HTRA3: variants seen among roughly 807,000 people sequenced by gnomAD.
The protein encoded by HTRA3 is serine protease HTRA3.
In HTRA3, 41 loss-of-function variants were observed where a neutral mutation model predicts 43.2. The observed-to-expected ratio is 0.95, with a 90% confidence interval of 0.74 to 1.23. HTRA3 has a LOEUF of 1.23. Ranked by LOEUF, HTRA3 falls within the 50% of genes most tolerant of loss-of-function variation. The probability of loss-of-function intolerance (pLI) is 0.00; values close to 1 mark genes in which losing one functional copy is unlikely to be tolerated. For missense variants in HTRA3, 628 were observed against 647.1 expected (o/e 0.97, Z 0.32); for synonymous variants, 295 against 287.9 (o/e 1.02, Z -0.25).
At chr4:8,304,654 T>G (rs1049535091) in intron 8 of HTRA3, among the ~76,000 whole-genome samples, 1,400 of 127,404 alleles carry the variant, frequency 0.011, 46 homozygotes, top group Non-Finnish European at 0.016. Context: ...TTTTTTTTTT[T>G]TTTTTTTTTT....
chr4:8,275,163 G>A (rs1242441094), intron 1 of HTRA3, among the ~76,000 whole-genome samples: 4 of 152,208 alleles, frequency 2.6e-5, no homozygotes, highest in African/African-American at 9.6e-5. Flanking sequence ...GAGTCCAGCC[G>A]GACTGGAGCT....
intron 1 of HTRA3, among the ~76,000 whole-genome samples, chr4:8,277,702 A>G (rs1177269672): frequency 1.3e-5 from 2 of 152,230 alleles, no homozygotes; most frequent in Non-Finnish European, 1.5e-5. Context: ...GTGAGGCTGC[A>G]GATGTCAATG....
intron 5 of HTRA3, among the ~76,000 whole-genome samples, chr4:8,292,754 C>G (rs1183302798): frequency 7.2e-5 from 11 of 152,200 alleles, no homozygotes; most frequent in Admixed American, 7.2e-4. Context: ...CAGCCTCATC[C>G]CAGGTGAGAT....
chr4:8,302,193 G>A (rs956280135), intron 6 of HTRA3, among the ~76,000 whole-genome samples: 1 of 152,164 alleles, frequency 6.6e-6, no homozygotes, highest in Non-Finnish European at 1.5e-5. Context: ...AGCAGATGTC[G>A]GAGCTCACAT....
In HTRA3 at chr4:8,306,352, A is replaced by G. The variant is rs1713850261; in HGVS notation, c.*216A>G. On this transcript the variant is annotated 3_prime_UTR_variant, in exon 9 of 9. Coordinates refer to ENST00000307358, the MANE Select transcript of HTRA3 (RefSeq NM_053044.5). The surrounding 1 kb of genome is among the most constrained non-coding windows in gnomAD (Gnocchi z 8.9). Reference sequence around the variant, plus strand: ...TCCCGGTGCCGGGGAGGGAAGCCCAACATCCCCTTGTACAGATGATCCTGA... The same window carrying G: ...TCCCGGTGCCGGGGAGGGAAGCCCAGCATCCCCTTGTACAGATGATCCTGA... 1 of 550,850 alleles carries G rather than the reference A, an allele frequency of 1.8e-6. No homozygotes were observed. The highest frequency in any genetic ancestry group is 2.4e-5 in the South Asian group (1 of 42,312). The allele number at this position is 550,850 out of a possible 1,614,324, so 34.1% of individuals were successfully genotyped here.
chr4:8,275,299 G>A (rs1712474291), intron 1 of HTRA3, among the ~76,000 whole-genome samples: 1 of 152,190 alleles, frequency 6.6e-6, no homozygotes, highest in Non-Finnish European at 1.5e-5. Flanking sequence ...GCCCCACACA[G>A]CAGCCTGAAG....
chr4:8,303,485 G>A (rs56095553), intron 7 of HTRA3, among the ~76,000 whole-genome samples: 40,634 of 152,086 alleles, frequency 0.27, 6,620 homozygotes, highest in East Asian at 0.62. Context: ...GAGCTTCGAG[G>A]TTTGAAGAAG....
chr4:8,282,407 T>C (rs778601854), intron 1 of HTRA3, 30 bp from the exon 2 acceptor site: 8 of 1,556,932 alleles, frequency 5.1e-6, no homozygotes, highest in Admixed American at 1.7e-5. Context: ...GTGATCTCAC[T>C]GATGCACCTG....
chr4:8,278,333 C>A (rs552331488), intron 1 of HTRA3, among the ~76,000 whole-genome samples: 19 of 149,224 alleles, frequency 1.3e-4, no homozygotes, highest in African/African-American at 4.5e-4. Flanking sequence ...TTGCTTTGCT[C>A]TGTGTGAGGG....
chr4:8,279,480 C>T lies in HTRA3; in HGVS notation c.386-2957C>T, dbSNP rs1712656468. The stretch of plus-strand genomic sequence containing the variant: ...TGTGCAGATCTTCAGGCTGCCGCGT[C>T]AGAGCTCAGGGGCCCAGCAGCCCAG... On this transcript the variant is annotated intron_variant, in intron 1 of 8. Transcript: ENST00000307358. This position sits in a 1 kb window ranked among gnomAD's most constrained non-coding sequence, Gnocchi z 7.4. Among the ~76,000 whole-genome samples, 1 of 152,038 alleles carries T rather than the reference C, an allele frequency of 6.6e-6. No individual in the cohort carries two copies. Among genetic ancestry groups the T allele is most frequent in the African/African-American group, 2.4e-5 (1 of 41,390 alleles).
At chr4:8,301,313 ACT>A (rs1177524988) in intron 6 of HTRA3, among the ~76,000 whole-genome samples, 1 of 150,320 alleles carries the variant, frequency 6.7e-6, no homozygotes, top group Non-Finnish European at 1.5e-5. Context: ...ATTGATTCAC[ACT>A]CATCTTTATT....
In HTRA3 at chr4:8,302,508, C is replaced by T. The variant is rs763134592; in HGVS notation, c.1097C>T (p.Pro366Leu). 2 of 1,613,794 alleles carry T rather than the reference C, an allele frequency of 1.2e-6. No homozygotes were observed. Among genetic ancestry groups the T allele is most frequent in the African/African-American group, 2.7e-5 (2 of 74,886 alleles). Residue 366 changes from proline (P) to leucine (L), a missense_variant, in exon 7 of 9, where the codon CCA (proline) becomes CTA (leucine). Coordinates refer to ENST00000307358, the MANE Select transcript of HTRA3 (RefSeq NM_053044.5). ...GGCATACGGATGCGGACGATCACAC[C>T]AAGGTGAGTGTCTGAAGAGTGCCAT... ...FIGIRMRTITPSLVDELKASN... is the reference protein window; with the variant it reads ...FIGIRMRTITLSLVDELKASN...
At chr4:8,300,411 T>C (rs1358742747) in intron 6 of HTRA3, among the ~76,000 whole-genome samples, 2 of 152,374 alleles carry the variant, frequency 1.3e-5, no homozygotes, top group East Asian at 3.8e-4. Context: ...TCAATTTCTT[T>C]AATAGATGTA....
At position 8,296,735 on chromosome 4, in the gene HTRA3, C is replaced by T. The variant is rs1713471221; in HGVS notation, c.1051+2534C>T. Among the ~76,000 whole-genome samples, 1 of 152,190 alleles carries T rather than the reference C, an allele frequency of 6.6e-6. No individual in the cohort carries two copies. Among genetic ancestry groups the T allele is most frequent in the Non-Finnish European group, 1.5e-5 (1 of 68,044 alleles). Reference sequence around the variant, plus strand: ...TGGGGCCGTTTGTGGGCATCTGCCCCTCTGTGGACTGTGGGGAACAGTGCA... The same window carrying T: ...TGGGGCCGTTTGTGGGCATCTGCCCTTCTGTGGACTGTGGGGAACAGTGCA... On this transcript the variant is annotated intron_variant, in intron 6 of 8. Transcript: ENST00000307358. This position sits in a 1 kb window ranked among gnomAD's most constrained non-coding sequence, Gnocchi z 5.3.
At chr4:8,287,903 TGA>T (rs1185550643) in intron 3 of HTRA3, among the ~76,000 whole-genome samples, 5 of 152,220 alleles carry the variant, frequency 3.3e-5, no homozygotes, top group African/African-American at 1.2e-4. Context: ...CATGCTTATG[TGA>T]CCCTGGGGAC....
intron 7 of HTRA3, 146 bp from the exon 8 acceptor site, chr4:8,304,038 G>C (rs760205379): frequency 1.7e-6 from 1 of 602,466 alleles, no homozygotes; most frequent in Non-Finnish European, 3.0e-6. Flanking sequence ...AGGGGACACA[G>C]AGTGGCCAGT....
At chr4:8,290,455 C>T (rs1271098509) in intron 3 of HTRA3, among the ~76,000 whole-genome samples, 2 of 152,220 alleles carry the variant, frequency 1.3e-5, no homozygotes, top group Admixed American at 6.5e-5. Context: ...GCTCTTGAGA[C>T]CTGGCCGATC....
intron 7 of HTRA3, 32 bp downstream of exon 7, chr4:8,302,543 C>A: frequency 6.2e-7 from 1 of 1,607,518 alleles, no homozygotes; most frequent in Non-Finnish European, 8.5e-7. Flanking sequence ...TCCCCTGCTA[C>A]CCCTTCCTCT....
intron 3 of HTRA3, among the ~76,000 whole-genome samples, chr4:8,289,726 C>T (rs551128550): frequency 1.3e-5 from 2 of 152,340 alleles, no homozygotes; most frequent in African/African-American, 2.4e-5. Flanking sequence ...TCCTGACCCT[C>T]ACCTGTGCCC....
Sources: allele counts gnomAD v4.1 joint callset (sites outside exome capture counted in the v4.1 genomes callset), GRCh38; gene constraint gnomAD v4.1.1; non-coding constraint Gnocchi (gnomAD v3.1); transcripts MANE v1.5; gene names NCBI Gene and HGNC (gene_info 2026-07-23, HGNC 2026-07-21).